The following UTRN variants were observed in gnomAD, a reference collection of about 807,000 sequenced individuals.
UTRN encodes dystrophin-related protein 1.
In UTRN, 283 loss-of-function variants were observed where a neutral mutation model predicts 463.9. That is an observed-to-expected ratio of 0.61 (90% CI 0.55 to 0.67). The LOEUF is 0.67. UTRN is among the 30% of genes least tolerant of loss of function. The probability of loss-of-function intolerance (pLI) is 0.00; values close to 1 mark genes in which losing one functional copy is unlikely to be tolerated. For synonymous variants in UTRN, 1,442 were observed against 1,431.5 expected (o/e 1.01, Z -0.17); for missense variants, 3,922 against 4,084.3 (o/e 0.96, Z 1.08).
chr6:144,770,837 T>C (rs1401336589), intron 58 of UTRN, among the ~76,000 whole-genome samples: 2 of 152,166 alleles, frequency 1.3e-5, no homozygotes, highest in African/African-American at 4.8e-5. Context: ...AGAGTCTAAG[T>C]GGCAAGAGAC....
chr6:144,797,361 T>C (rs1777322008), intron 63 of UTRN, among the ~76,000 whole-genome samples: 1 of 151,886 alleles, frequency 6.6e-6, no homozygotes, highest in Non-Finnish European at 1.5e-5. Context: ...GCTAATTTTG[T>C]GTGTGTGTGT....
intron 54 of UTRN, among the ~76,000 whole-genome samples, chr6:144,746,339 T>A (rs1238933356): frequency 6.6e-6 from 1 of 152,104 alleles, no homozygotes; most frequent in Non-Finnish European, 1.5e-5. Context: ...AAATAAAGTT[T>A]GTCTTTCTAA....
chr6:144,429,563 A>T lies in UTRN; in HGVS notation c.695-18A>T. 1 of 1,587,452 alleles carries T rather than the reference A, an allele frequency of 6.3e-7. No homozygotes were observed. The highest frequency in any genetic ancestry group is 8.6e-7 in the Non-Finnish European group (1 of 1,167,916). On this transcript the variant is annotated intron_variant, in intron 8 of 74. Transcript: ENST00000367545. ...GGACACCTAATTTAAGCTGGTTCTTATATTCTTCCACTTTTAGATGTTGCC... is the reference window on the plus strand; with the variant it reads ...GGACACCTAATTTAAGCTGGTTCTTTTATTCTTCCACTTTTAGATGTTGCC...
intron 51 of UTRN, among the ~76,000 whole-genome samples, chr6:144,624,056 G>T (rs1775702838): frequency 1.3e-5 from 2 of 152,112 alleles, no homozygotes; most frequent in Admixed American, 1.3e-4. Flanking sequence ...GGTTCCTAAA[G>T]GTAGAAATGG....
intron 54 of UTRN, among the ~76,000 whole-genome samples, chr6:144,739,882 T>C (rs144597789): frequency 1.5e-3 from 222 of 152,196 alleles, no homozygotes; most frequent in African/African-American, 5.2e-3. Context: ...CTTCATAATA[T>C]CATGCTAAAT....
At chr6:144,846,114 G>A (rs1781989360) in intron 73 of UTRN, among the ~76,000 whole-genome samples, 2 of 152,230 alleles carry the variant, frequency 1.3e-5, no homozygotes, top group African/African-American at 2.4e-5. Flanking sequence ...ATGCCTTAGA[G>A]AAGAGATGGC....
chr6:144,601,518 A>G (rs1314594611), intron 51 of UTRN, among the ~76,000 whole-genome samples: 3 of 152,194 alleles, frequency 2.0e-5, no homozygotes, highest in African/African-American at 4.8e-5. Context: ...GAGCCTGAGG[A>G]TGGGAATGAA....
At chr6:144,543,437 C>T (rs967693235) in intron 46 of UTRN, among the ~76,000 whole-genome samples, 7 of 152,186 alleles carry the variant, frequency 4.6e-5, no homozygotes, top group African/African-American at 1.7e-4. Flanking sequence ...AGGCTCCTGC[C>T]CCATAGCCAC....
At chr6:144,356,819 C>T (rs1313081583) in intron 2 of UTRN, among the ~76,000 whole-genome samples, 4 of 150,670 alleles carry the variant, frequency 2.7e-5, no homozygotes, top group Non-Finnish European at 4.4e-5. Flanking sequence ...AGCAAGACTC[C>T]GTCTAAAATA....
At chr6:144,383,617 G>A (rs544271479) in intron 2 of UTRN, among the ~76,000 whole-genome samples, 4 of 152,252 alleles carry the variant, frequency 2.6e-5, no homozygotes, top group Admixed American at 6.5e-5. Flanking sequence ...TCCTCTGGGC[G>A]GAATTGAGCC....
chr6:144,328,975 G>T (rs1166935014), intron 2 of UTRN, among the ~76,000 whole-genome samples: 1 of 151,828 alleles, frequency 6.6e-6, no homozygotes, highest in African/African-American at 2.4e-5. Context: ...GGTAGAGACG[G>T]AGTTACACCA....
At chr6:144,368,430 CT>C (rs1207564562) in intron 2 of UTRN, among the ~76,000 whole-genome samples, 1 of 152,072 alleles carries the variant, frequency 6.6e-6, no homozygotes, top group Non-Finnish European at 1.5e-5. Flanking sequence ...TGCTAGATTC[CT>C]TGTTTTTTGG....
intron 3 of UTRN, among the ~76,000 whole-genome samples, chr6:144,415,399 A>G (rs569972906): frequency 4.3e-4 from 66 of 152,346 alleles, no homozygotes; most frequent in African/African-American, 1.5e-3. Flanking sequence ...GGAAAATCCA[A>G]GGCCCAATTC....
intron 2 of UTRN, among the ~76,000 whole-genome samples, chr6:144,298,988 AG>A (rs1319050427): frequency 6.6e-6 from 1 of 152,218 alleles, no homozygotes; most frequent in African/African-American, 2.4e-5. Flanking sequence ...TATATGCAAA[AG>A]ATTTTTGGTG....
intron 51 of UTRN, among the ~76,000 whole-genome samples, chr6:144,641,944 T>G (rs1352630886): frequency 1.3e-5 from 2 of 152,166 alleles, no homozygotes. Context: ...GCAACTATAT[T>G]TAGCTATAAT....
Position 144,482,354 on chromosome 6 carries a change from G to C in UTRN, c.3653G>C (p.Cys1218Ser). 6.3e-7 allele frequency: 1 copy of C among 1,598,380 alleles called. No individual in the cohort carries two copies. The highest frequency in any genetic ancestry group is 1.3e-5 in the African/African-American group (1 of 74,300). The stretch of plus-strand genomic sequence containing the variant: ...GTGCTGGAGAATTACCAACTTCTTT[G>C]TAATAGAATTCGAGGAAAGTGCCAC... ...NVVLENYQLLCNRIRGKCHTL... is the reference protein window; with the variant it reads ...NVVLENYQLLSNRIRGKCHTL... The change falls in exon 27 of 75, where the codon TGT becomes TCT. Residue 1218 changes from cysteine (C) to serine (S), a missense_variant. Cys to Ser is a moderately radical substitution (Grantham distance 112). Coordinates refer to ENST00000367545, the MANE Select transcript of UTRN (RefSeq NM_007124.3).
At chr6:144,739,938 G>A (rs1235927879) in intron 54 of UTRN, among the ~76,000 whole-genome samples, 2 of 152,172 alleles carry the variant, frequency 1.3e-5, no homozygotes, top group Non-Finnish European at 2.9e-5. Context: ...GTGAAAAATG[G>A]TAGTAAATGC....
chr6:144,547,064 G>T (rs990768829), intron 46 of UTRN, among the ~76,000 whole-genome samples: 1 of 152,224 alleles, frequency 6.6e-6, no homozygotes, highest in Non-Finnish European at 1.5e-5. Flanking sequence ...TGATAATAGT[G>T]TAGGCATCTT....
In UTRN at chr6:144,774,328, G is replaced by T; in HGVS notation, c.8596G>T (p.Ala2866Ser). Residue 2866 changes from alanine to serine, a missense_variant, in exon 60 of 75, where the codon GCA (alanine) becomes TCA (serine). Coordinates refer to ENST00000367545, the MANE Select transcript of UTRN (RefSeq NM_007124.3). ...TGTACGTTTTTCTGCCTACCGTACA[G>T]CAATCAAAATCCGAAGACTACAAAA... The part of the protein sequence containing the change: ...NNVRFSAYRT[A>S]IKIRRLQKAL... The T allele has an allele frequency of 6.2e-7, 1 of 1,601,456 alleles. No homozygotes were observed. The highest frequency in any genetic ancestry group is 8.5e-7 in the Non-Finnish European group (1 of 1,176,386).
Sources: gnomAD v4.1 joint callset for allele counts (sites outside exome capture counted in the v4.1 genomes callset) on GRCh38, gnomAD v4.1.1 for gene constraint, MANE v1.5 for transcripts, NCBI Gene and HGNC (gene_info 2026-07-23, HGNC 2026-07-21) for gene names.